Variants in SRMS observed in about 807,000 individuals in gnomAD.
SRMS encodes the protein tyrosine-protein kinase Srms.
SRMS carries 42 observed loss-of-function variants against 43.5 expected under a neutral mutation model. That is an observed-to-expected ratio of 0.97 (90% CI 0.75 to 1.25). The LOEUF (loss-of-function observed/expected upper bound fraction) is 1.25. SRMS is among the 50% of genes most tolerant of loss of function. SRMS has a pLI of 0.00. For synonymous variants in SRMS, 316 were observed against 308.2 expected (o/e 1.03, Z -0.27); for missense variants, 703 against 681.0 (o/e 1.03, Z -0.36).
chr20:63,542,445 T>G lies in SRMS; in HGVS notation c.782A>C (p.Lys261Thr). 6.2e-7 allele frequency: 1 copy of G among 1,611,506 alleles called. No homozygotes were observed. The highest frequency in any genetic ancestry group is 2.2e-5 in the East Asian group (1 of 44,840). Reference protein sequence around the residue: ...GSLPVAIKVIKSANMKLTDLA... With the variant: ...GSLPVAIKVITSANMKLTDLA... Reference sequence around the variant, plus strand: ...GCAGGATCTCGGGGCCTCACCTGACTTGATGACCTTGATCGCCACGGGCAG... The same window carrying G: ...GCAGGATCTCGGGGCCTCACCTGACGTGATGACCTTGATCGCCACGGGCAG... Residue 261 changes from lysine to threonine, a missense_variant, in exon 4 of 8, where the codon AAG becomes ACG. By Grantham distance (78) the Lys-to-Thr change is moderately conservative (BLOSUM62 -1). Transcript: ENST00000217188.
chr20:63,542,594 T>C lies in SRMS; in HGVS notation c.646-13A>G. The C allele has an allele frequency of 9.2e-7, 1 of 1,084,592 alleles. No individual in the cohort carries two copies. Among genetic ancestry groups the C allele is most frequent in the South Asian group, 1.2e-5 (1 of 80,920 alleles). 67.2% of individuals were successfully genotyped at this position (1,084,592 alleles called of 1,614,324 possible). A position where few individuals can be genotyped will look rare whatever the true frequency, so the allele number is the denominator to read the frequency against. ...GCCTCGGGGCCTTCTGCAGGGAGGG[T>C]GGGCAGGGAGGCTGGTCAGCGTGGG... On this transcript the variant is annotated splice_polypyrimidine_tract_variant and intron_variant, in intron 3 of 7. Transcript: ENST00000217188.
Position 63,540,577 on chromosome 20 carries a change from C to T in SRMS, c.*241G>A, listed in dbSNP as rs528845360. Among the ~76,000 whole-genome samples, 2 of 152,248 alleles carry T rather than the reference C, an allele frequency of 1.3e-5. No homozygotes were observed. Among genetic ancestry groups the T allele is most frequent in the Admixed American group, 1.3e-4 (2 of 15,278 alleles). ...CCCAGCCCTTCGTCTGCACGAGTCA[C>T]ACTGCATGGGGGACGTCAGCCCCAG... On this transcript the variant is annotated 3_prime_UTR_variant, in exon 8 of 8. Coordinates refer to ENST00000217188, the MANE Select transcript of SRMS (RefSeq NM_080823.4).
intron 5 of SRMS, 108 bp downstream of exon 5, chr20:63,542,050 CCGGTA>C: frequency 1.4e-6 from 2 of 1,449,950 alleles, no homozygotes; most frequent in Non-Finnish European, 1.8e-6. Flanking sequence ...CCACCTGCTC[CCGGTA>C]GAGAGGCCCG....
intron 7 of SRMS, 57 bp downstream of exon 7, chr20:63,541,134 G>T: frequency 6.4e-7 from 1 of 1,550,900 alleles, no homozygotes; most frequent in Non-Finnish European, 8.7e-7. Flanking sequence ...TCCAGGCCCG[G>T]GGCCAGTGAC....
rs2082718991 is a variant in SRMS, at chr20:63,544,242, C to T, written c.463G>A (p.Gly155Ser). 2 of 1,467,360 alleles carry T rather than the reference C, an allele frequency of 1.4e-6. No homozygotes were observed. Among genetic ancestry groups the T allele is most frequent in the Non-Finnish European group, 1.8e-6 (2 of 1,109,116 alleles). 90.9% of individuals were successfully genotyped at this position (1,467,360 alleles called of 1,614,324 possible). A position where few individuals can be genotyped will look rare whatever the true frequency, so the allele number is the denominator to read the frequency against. The change falls in exon 2 of 8, where the codon GGC becomes AGC. Residue 155 changes from glycine (G) to serine (S), a missense_variant. Gly to Ser is a moderately conservative substitution (Grantham distance 56). Transcript: ENST00000217188. ...LIRPSESSLGGYSLSVRAQAK... is the reference protein window; with the variant it reads ...LIRPSESSLGSYSLSVRAQAK... ...CCCCAGGTACCTGACAGTGAGTAGC[C>T]CCCGAGGCTGCTCTCGCTGGGCCGG...
chr20:63,540,832 T>C lies in SRMS; in HGVS notation c.1453A>G (p.Arg485Gly), dbSNP rs139605311. The C allele has an allele frequency of 3.1e-6, 5 of 1,602,154 alleles. No homozygotes were observed. The highest frequency in any genetic ancestry group is 4.2e-6 in the Non-Finnish European group (5 of 1,176,700). Reference protein sequence around the residue: ...TLREKLHAIHRCHP With the variant: ...TLREKLHAIHGCHP Reference sequence around the variant, plus strand: ...CACGTGAGGACTCAGGGGTGGCATCTGTGGATGGCGTGCAGCTTCTCCCGC... The same window carrying C: ...CACGTGAGGACTCAGGGGTGGCATCCGTGGATGGCGTGCAGCTTCTCCCGC... Residue 485 changes from arginine to glycine, a missense_variant, in exon 8 of 8, where the codon AGA becomes GGA. Transcript: ENST00000217188.
chr20:63,538,506 A>G lies in SRMS; in HGVS notation c.*2312T>C, dbSNP rs1222246345. Among the ~76,000 whole-genome samples the G allele has an allele frequency of 6.6e-6, 1 of 152,140 alleles. No homozygotes were observed. Among genetic ancestry groups the G allele is most frequent in the Non-Finnish European group, 1.5e-5 (1 of 68,010 alleles). ...CCCTAAACTGCGTATTTCAACTTTT[A>G]TTTTTATTGCAAAGAGAAATAATGG... On this transcript the variant is annotated 3_prime_UTR_variant, in exon 8 of 8. Coordinates refer to ENST00000217188, the MANE Select transcript of SRMS (RefSeq NM_080823.4).
In SRMS at chr20:63,547,103, C is replaced by T. The variant is rs984122471; in HGVS notation, c.356+5G>A. On this transcript the variant is annotated splice_donor_5th_base_variant and intron_variant, in intron 1 of 7. Coordinates refer to ENST00000217188, the MANE Select transcript of SRMS (RefSeq NM_080823.4). The stretch of plus-strand genomic sequence containing the variant: ...AGGCTCTGACTCCGAGGCCGAGGTA[C>T]TCACGGTTGGTCTGAGAGCGTCTCA... 1.3e-6 allele frequency: 2 copies of T among 1,551,440 alleles called. No homozygotes were observed. The highest frequency in any genetic ancestry group is 1.7e-6 in the Non-Finnish European group (2 of 1,145,028).
rs745787096 is a variant in SRMS at position 63,540,913 on chromosome 20, G to A, written c.1372C>T (p.Leu458Phe). 1 of 1,606,376 alleles carries A rather than the reference G, an allele frequency of 6.2e-7. No homozygotes were observed. The highest frequency in any genetic ancestry group is 1.7e-5 in the Admixed American group (1 of 59,920). Residue 458 changes from leucine (L) to phenylalanine (F), a missense_variant, in exon 8 of 8, where the codon CTC (leucine) becomes TTC (phenylalanine). By Grantham distance (22) the Leu-to-Phe change is conservative. Transcript: ENST00000217188. ...CTGCTCCTCCAGCACTCCAGCATGAGCACGTAGACCTCCGCCGGGCAGGCA... is the reference window on the plus strand; with the variant it reads ...CTGCTCCTCCAGCACTCCAGCATGAACACGTAGACCTCCGCCGGGCAGGCA... ...PAACPAEVYV[L>F]MLECWRSSPE...
Position 63,541,523 on chromosome 20 carries a change from G to T in SRMS, c.1044C>A (p.His348Gln). 1 of 1,603,176 alleles carries T rather than the reference G, an allele frequency of 6.2e-7. No homozygotes were observed. The highest frequency in any genetic ancestry group is 8.5e-7 in the Non-Finnish European group (1 of 1,176,506). Reference protein sequence around the residue: ...MSYLEEQRVVHRDLAARNVLV... With the variant: ...MSYLEEQRVVQRDLAARNVLV... ...GCACGTTCCGGGCGGCCAAGTCCCGGTGCACAACGCGCTGCTCCTCCAGGT... is the reference window on the plus strand; with the variant it reads ...GCACGTTCCGGGCGGCCAAGTCCCGTTGCACAACGCGCTGCTCCTCCAGGT... Residue 348 changes from histidine (H) to glutamine (Q), a missense_variant, in exon 6 of 8, where the codon CAC (histidine) becomes CAA (glutamine). By Grantham distance (24) the His-to-Gln change is conservative. Coordinates refer to ENST00000217188, the MANE Select transcript of SRMS (RefSeq NM_080823.4).
In SRMS at chr20:63,538,608, C is replaced by T. The variant is rs2082685885; in HGVS notation, c.*2210G>A. 6.6e-6 allele frequency among the ~76,000 whole-genome samples: 1 copy of T among 152,032 alleles called. No individual in the cohort carries two copies. Among genetic ancestry groups the T allele is most frequent in the Admixed American group, 6.5e-5 (1 of 15,268 alleles). ...CAGGCTCATAGATTTCTGGGCAGCC[C>T]AGCTCAGCGCTGACCAAGGTGGGGA... On this transcript the variant is annotated 3_prime_UTR_variant, in exon 8 of 8. Coordinates refer to ENST00000217188, the MANE Select transcript of SRMS (RefSeq NM_080823.4).
In SRMS at chr20:63,541,508, G is replaced by A. The variant is rs764239985; in HGVS notation, c.1059C>T (p.Ala353=). The A allele has an allele frequency of 1.9e-6, 3 of 1,607,432 alleles. No individual in the cohort carries two copies. In the East Asian group the frequency reaches 6.7e-5, roughly 36 times the overall value. The change falls in exon 6 of 8, where the codon GCC becomes GCT. Residue 353 remains alanine (A), a synonymous_variant. Coordinates refer to ENST00000217188, the MANE Select transcript of SRMS (RefSeq NM_080823.4). ...GGCCGTCGTCCACGAGCACGTTCCGGGCGGCCAAGTCCCGGTGCACAACGC... is the reference window on the plus strand; with the variant it reads ...GGCCGTCGTCCACGAGCACGTTCCGAGCGGCCAAGTCCCGGTGCACAACGC... ...EQRVVHRDLA[A]RNVLVDDGLA... is the part of the protein sequence containing the mutation.
At position 63,539,124 on chromosome 20, in the gene SRMS, C is replaced by T. The variant is rs1316692406; in HGVS notation, c.*1694G>A. Among the ~76,000 whole-genome samples, 3 of 152,170 alleles carry T rather than the reference C, an allele frequency of 2.0e-5. No individual in the cohort carries two copies. The highest frequency in any genetic ancestry group is 7.2e-5 in the African/African-American group (3 of 41,428). On this transcript the variant is annotated 3_prime_UTR_variant, in exon 8 of 8. Coordinates refer to ENST00000217188, the MANE Select transcript of SRMS (RefSeq NM_080823.4). ...GCCTCAGTGGGCCCAGGTACCAGAA[C>T]CAGCCCCTCCCCTAGGTTCTCCCAT... is the stretch of plus-strand genomic sequence containing the variant.
Position 63,541,633 on chromosome 20 carries a change from G to A in SRMS, c.947-13C>T. On this transcript the variant is annotated splice_polypyrimidine_tract_variant and intron_variant, in intron 5 of 7. Coordinates refer to ENST00000217188, the MANE Select transcript of SRMS (RefSeq NM_080823.4). ...CGGCCCTCGGGGGCTGCAGGAGACA[G>A]CGCGGGGTCTTTTAGGGCACGGGGC... 1 of 1,508,176 alleles carries A rather than the reference G, an allele frequency of 6.6e-7. No homozygotes were observed. The highest frequency in any genetic ancestry group is 8.8e-7 in the Non-Finnish European group (1 of 1,131,902). The allele number at this position is 1,508,176 out of a possible 1,614,324, so 93.4% of individuals were successfully genotyped here.
In SRMS at chr20:63,541,521, C is replaced by G. The variant is rs1361962678; in HGVS notation, c.1046G>C (p.Arg349Pro). Reference sequence around the variant, plus strand: ...GAGCACGTTCCGGGCGGCCAAGTCCCGGTGCACAACGCGCTGCTCCTCCAG... The same window carrying G: ...GAGCACGTTCCGGGCGGCCAAGTCCGGGTGCACAACGCGCTGCTCCTCCAG... Reference protein sequence around the residue: ...SYLEEQRVVHRDLAARNVLVD... With the variant: ...SYLEEQRVVHPDLAARNVLVD... Residue 349 changes from arginine (R) to proline (P), a missense_variant, in exon 6 of 8, where the codon CGG (arginine) becomes CCG (proline). By Grantham distance (103) the Arg-to-Pro change is moderately radical. Transcript: ENST00000217188. 6.2e-7 allele frequency: 1 copy of G among 1,602,792 alleles called. No homozygotes were observed. Among genetic ancestry groups the G allele is most frequent in the Non-Finnish European group, 8.5e-7 (1 of 1,176,352 alleles).
chr20:63,542,897 G>C (rs1177482241), intron 3 of SRMS, among the ~76,000 whole-genome samples: 1 of 152,172 alleles, frequency 6.6e-6, no homozygotes, highest in Non-Finnish European at 1.5e-5. Flanking sequence ...TCGGCAGGGT[G>C]GCTCACATCG....
intron 5 of SRMS, among the ~76,000 whole-genome samples, 163 bp from the exon 6 acceptor site, chr20:63,541,783 G>A (rs1398864787): frequency 6.6e-6 from 1 of 152,256 alleles, no homozygotes; most frequent in Non-Finnish European, 1.5e-5. Context: ...GTGAGACAGG[G>A]CGAGGGTCCT....
chr20:63,545,130 G>T (rs958951850), intron 1 of SRMS, among the ~76,000 whole-genome samples: 6 of 152,312 alleles, frequency 3.9e-5, no homozygotes, highest in Admixed American at 1.3e-4. Flanking sequence ...AGCCCACACC[G>T]GGTGTCGGGA....
Position 63,543,434 on chromosome 20 carries a change from A to C in SRMS, c.525T>G (p.Ala175=), listed in dbSNP as rs781291205. 6.2e-7 allele frequency: 1 copy of C among 1,612,820 alleles called. No individual in the cohort carries two copies. Among genetic ancestry groups the C allele is most frequent in the South Asian group, 1.1e-5 (1 of 91,090 alleles). The change falls in exon 3 of 8, where the codon GCT becomes GCG. Residue 175 remains alanine, a synonymous_variant. Transcript: ENST00000217188. ...KVCHYRVSMA[A]DGSLYLQKGR... ...CCTTCTGCAGGTAGAGGCTGCCATC[A>C]GCTGCCATGGAGACCCGGTAGTGGC...
Sources: allele counts gnomAD v4.1 joint callset (sites outside exome capture counted in the v4.1 genomes callset), GRCh38; gene constraint gnomAD v4.1.1; transcripts MANE v1.5; gene names NCBI Gene and HGNC (gene_info 2026-07-23, HGNC 2026-07-21).